Variants in TMCO5A observed in about 807,000 individuals in gnomAD.
TMCO5A encodes the protein transmembrane and coiled-coil domain-containing protein 5A.
TMCO5A carries 34 observed loss-of-function variants against 42.3 expected under a neutral mutation model. That is an observed-to-expected ratio of 0.80 (90% CI 0.61 to 1.07). The LOEUF is 1.07. Ranked by LOEUF, TMCO5A falls within the 50% of genes least tolerant of loss-of-function variation. The pLI, the probability that TMCO5A is intolerant of heterozygous loss-of-function variation, is 0.00. For missense variants in TMCO5A, 357 were observed against 327.9 expected, an observed-to-expected ratio of 1.09 and a Z score of -0.69; for synonymous variants, 131 against 115.6, an observed-to-expected ratio of 1.13 and a Z score of -0.86.
chr15:37,937,466 G>A, intron 5 of TMCO5A, 70 bp downstream of exon 5: 2 of 1,548,056 alleles, frequency 1.3e-6, no homozygotes, highest in East Asian at 2.3e-5. Context: ...CAAGGTTTGG[G>A]GGAAGTGATC....
At chr15:37,937,686 T>C (rs1889569604) in intron 5 of TMCO5A, among the ~76,000 whole-genome samples, 1 of 152,120 alleles carries the variant, frequency 6.6e-6, no homozygotes, top group Non-Finnish European at 1.5e-5. Flanking sequence ...GTTGAAGTCA[T>C]TGACTGGAAC....
chr15:38,008,883 G>A, the TMCO5A span, among the ~76,000 whole-genome samples: 1 of 152,050 alleles, frequency 6.6e-6, no homozygotes, highest in African/African-American at 2.4e-5. Context: ...ATTGAGGAAG[G>A]GATTGCCATG....
the TMCO5A span, among the ~76,000 whole-genome samples, chr15:38,023,171 A>C: frequency 6.6e-6 from 1 of 152,166 alleles, no homozygotes; most frequent in Non-Finnish European, 1.5e-5. Flanking sequence ...GCAGTGTGGC[A>C]CAGTAACAAA....
chr15:38,027,195 C>A, the TMCO5A span, among the ~76,000 whole-genome samples: 1 of 152,126 alleles, frequency 6.6e-6, no homozygotes, highest in Non-Finnish European at 1.5e-5. Flanking sequence ...ACACTCAATT[C>A]CAGCCCAGGA....
At chr15:37,935,850 C>A (rs544003593) in intron 2 of TMCO5A, among the ~76,000 whole-genome samples, 2 of 152,140 alleles carry the variant, frequency 1.3e-5, no homozygotes, top group African/African-American at 4.8e-5. Flanking sequence ...AAGATTGAAG[C>A]CCTATCATGC....
intron 10 of TMCO5A, 38 bp downstream of exon 10, chr15:37,943,436 C>A: frequency 6.2e-7 from 1 of 1,600,532 alleles, no homozygotes; most frequent in South Asian, 1.1e-5. Context: ...CTCACAGTGT[C>A]ATTGCCTTTC....
In TMCO5A at chr15:37,962,819, T is replaced by C. The variant is rs1197275079; in HGVS notation, c.669-3806T>C. ...TCGGTCTCTTCTAGATTTTATCGTT[T>C]ATATGTGTAAAGGTGTTCATAATAA... On this transcript the variant is annotated intron_variant, in intron 11 of 11. Transcript: ENST00000559502. Among the ~76,000 whole-genome samples, 4 of 152,152 alleles carry C rather than the reference T, an allele frequency of 2.6e-5. No individual in the cohort carries two copies. The East Asian group carries it at 7.7e-4, about 29-fold the overall frequency.
chr15:37,971,578 AAT>A (rs1396877025), downstream of TMCO5A, among the ~76,000 whole-genome samples: 19 of 152,178 alleles, frequency 1.2e-4, no homozygotes, highest in Non-Finnish European at 2.5e-4. Context: ...TTTCTATCAC[AAT>A]GTCAGGCTGC....
At chr15:37,999,807 T>C in the TMCO5A span, among the ~76,000 whole-genome samples, 1 of 152,206 alleles carries the variant, frequency 6.6e-6, no homozygotes, top group Non-Finnish European at 1.5e-5. Flanking sequence ...CTTCATTCTG[T>C]TGATATAATG....
exon 12 of TMCO5A, chr15:37,967,117 G>T (rs115671716): frequency 0.017 from 2,654 of 157,818 alleles, 67 homozygotes; most frequent in African/African-American, 0.06. Flanking sequence ...AAATAATCAG[G>T]TCACTAGGGC....
chr15:37,968,911 A>C (rs1024540212), downstream of TMCO5A, among the ~76,000 whole-genome samples: 2 of 152,220 alleles, frequency 1.3e-5, no homozygotes, highest in Non-Finnish European at 2.9e-5. Flanking sequence ...ATTATTTATC[A>C]GAATGATAAG....
the TMCO5A span, chr15:38,024,958 A>G: frequency 6.6e-6 from 1 of 152,448 alleles, no homozygotes; most frequent in South Asian, 2.1e-4. Context: ...ACCTACTGGC[A>G]CCTTGATCTT....
chr15:37,943,179 ATTAAT>A, intron 9 of TMCO5A, 157 bp from the exon 10 acceptor site: 1 of 580,310 alleles, frequency 1.7e-6, no homozygotes, highest in Non-Finnish European at 2.8e-6. Flanking sequence ...AACTGAGGAA[ATTAAT>A]TTAACTTTAA....
At chr15:37,982,610 A>T in the TMCO5A span, among the ~76,000 whole-genome samples, 1 of 140,296 alleles carries the variant, frequency 7.1e-6, no homozygotes, top group Non-Finnish European at 1.5e-5. Context: ...TATAATATAT[A>T]ATTATATATT....
the TMCO5A span, among the ~76,000 whole-genome samples, chr15:38,008,628 T>C: frequency 6.6e-6 from 1 of 152,140 alleles, no homozygotes; most frequent in Non-Finnish European, 1.5e-5. Context: ...GCTTCTGATA[T>C]CCCTGGGGCA....
chr15:37,941,771 G>A (rs1325536695), intron 8 of TMCO5A, 41 bp downstream of exon 8: 1 of 1,510,000 alleles, frequency 6.6e-7, no homozygotes, highest in Non-Finnish European at 9.2e-7. Flanking sequence ...GGTTTATTAA[G>A]GTACAGGATG....
chr15:38,007,209 T>C, the TMCO5A span, among the ~76,000 whole-genome samples: 1,152 of 152,294 alleles, frequency 7.6e-3, 16 homozygotes, highest in Middle Eastern at 0.037. Context: ...AGACTTCCTA[T>C]GTAATCTCAG....
intron 8 of TMCO5A, 69 bp from the exon 9 acceptor site, chr15:37,942,122 C>T (rs1178575076): frequency 9.1e-6 from 13 of 1,425,036 alleles, no homozygotes; most frequent in Admixed American, 1.8e-5. Context: ...ATAACAAGTG[C>T]TTATTATGCT....
the TMCO5A span, among the ~76,000 whole-genome samples, chr15:38,008,732 T>A: frequency 2.6e-5 from 4 of 152,172 alleles, no homozygotes; most frequent in African/African-American, 7.2e-5. Flanking sequence ...CAAATGAGGT[T>A]GCCATCTGAA....
Sources: allele counts gnomAD v4.1 joint callset (sites outside exome capture counted in the v4.1 genomes callset), GRCh38; gene constraint gnomAD v4.1.1; transcripts MANE v1.5; gene names NCBI Gene and HGNC (gene_info 2026-07-23, HGNC 2026-07-21).